The following FBXO21 variants were observed in gnomAD, a reference collection of about 807,000 sequenced individuals.
FBXO21 encodes F-box protein 21.
In FBXO21, 32 loss-of-function variants were observed where a neutral mutation model predicts 76.6. That is an observed-to-expected ratio of 0.42 (90% CI 0.32 to 0.56). The LOEUF (loss-of-function observed/expected upper bound fraction) is 0.56. FBXO21 is among the 20% of genes least tolerant of loss of function. FBXO21 has a pLI of 0.16. For missense variants in FBXO21, 586 were observed against 797.3 expected (o/e 0.73, Z 3.19); for synonymous variants, 328 against 311.5 (o/e 1.05, Z -0.56).
intron 11 of FBXO21, among the ~76,000 whole-genome samples, chr12:117,148,417 T>G (rs1955802971): frequency 6.6e-6 from 1 of 152,186 alleles, no homozygotes; most frequent in South Asian, 2.1e-4. Context: ...GCACATTAAT[T>G]CAGCAAAGCA....
At chr12:117,179,607 A>G (rs767351838) in intron 3 of FBXO21, among the ~76,000 whole-genome samples, 5 of 152,212 alleles carry the variant, frequency 3.3e-5, no homozygotes, top group Admixed American at 6.5e-5. Flanking sequence ...TAGAGGCTAC[A>G]TGAGATACAG....
In FBXO21 at chr12:117,144,050, T is replaced by A. The variant is rs1955741953; in HGVS notation, c.*2037A>T. 6.6e-6 allele frequency: 1 copy of A among 152,632 alleles called. No individual in the cohort carries two copies. The highest frequency in any genetic ancestry group is 1.9e-4 in the East Asian group (1 of 5,190). 9.5% of individuals were successfully genotyped at this position (152,632 alleles called of 1,614,324 possible). A position where few individuals can be genotyped will look rare whatever the true frequency, so the allele number is the denominator to read the frequency against. On this transcript the variant is annotated 3_prime_UTR_variant, in exon 12 of 12. Transcript: ENST00000622495. ...ACTTACACAGGTGATACAGGCTTCC[T>A]GGAGCCCCATGAAGCATTCATGAAG... is the stretch of plus-strand genomic sequence containing the variant.
chr12:117,186,016 G>A (rs1463456889), intron 3 of FBXO21, among the ~76,000 whole-genome samples: 1 of 151,938 alleles, frequency 6.6e-6, no homozygotes, highest in South Asian at 2.1e-4. Context: ...GGGATTACAG[G>A]TGTGTACCAC....
Position 117,189,318 on chromosome 12 carries a change from T to C in FBXO21, c.284A>G (p.Asn95Ser), listed in dbSNP as rs762516986. The C allele has an allele frequency of 5.1e-5, 83 of 1,614,016 alleles. No individual in the cohort carries two copies. Among genetic ancestry groups the C allele is most frequent in the African/African-American group, 1.3e-4 (10 of 74,880 alleles). Reference protein sequence around the residue: ...MKHYSPTDYVNWLEEYKVRQK... With the variant: ...MKHYSPTDYVSWLEEYKVRQK... The stretch of plus-strand genomic sequence containing the variant: ...CCGAACTTTATACTCTTCCAACCAA[T>C]TGACGTAGTCGGTGGGGCTGTAGTG... The change falls in exon 2 of 12, where the codon AAT (asparagine) becomes AGT (serine). Residue 95 changes from asparagine (N) to serine (S), a missense_variant. Asn to Ser is a conservative substitution (Grantham distance 46). Coordinates refer to ENST00000622495, the MANE Select transcript of FBXO21 (RefSeq NM_015002.3).
chr12:117,161,314 A>G (rs1282160830), intron 9 of FBXO21, among the ~76,000 whole-genome samples: 1 of 151,986 alleles, frequency 6.6e-6, no homozygotes, highest in Non-Finnish European at 1.5e-5. Flanking sequence ...GCACACAGAA[A>G]AAGTAGTGGG....
chr12:117,165,241 G>C (rs977348813), intron 9 of FBXO21, among the ~76,000 whole-genome samples: 1 of 152,130 alleles, frequency 6.6e-6, no homozygotes, highest in Admixed American at 6.5e-5. Flanking sequence ...CGGGTACAGA[G>C]GCTTTGTGGT....
intron 11 of FBXO21, among the ~76,000 whole-genome samples, chr12:117,152,354 T>C: frequency 6.6e-6 from 1 of 151,738 alleles, no homozygotes; most frequent in Non-Finnish European, 1.5e-5. Context: ...CAGTCCCAGC[T>C]ACTTGGGAGG....
At chr12:117,171,619 T>C (rs992959203) in intron 7 of FBXO21, among the ~76,000 whole-genome samples, 2 of 152,292 alleles carry the variant, frequency 1.3e-5, no homozygotes, top group South Asian at 2.1e-4. Flanking sequence ...TAATCCATTT[T>C]ACCAAGGAAG....
chr12:117,181,691 C>T (rs1336562082), intron 3 of FBXO21, among the ~76,000 whole-genome samples: 1 of 151,968 alleles, frequency 6.6e-6, no homozygotes, highest in African/African-American at 2.4e-5. Flanking sequence ...ACTTTGCCAC[C>T]CAGGCTGGAG....
chr12:117,146,318 C>A (rs75860160), intron 11 of FBXO21, 41 bp from the exon 12 acceptor site: 15 of 1,509,290 alleles, frequency 9.9e-6, no homozygotes, highest in Non-Finnish European at 1.4e-5. Flanking sequence ...ATTACAATGT[C>A]CATTGCTGCC....
In FBXO21 at chr12:117,142,629, A is replaced by G. The variant is rs1239837566; in HGVS notation, c.*3458T>C. ...CGTCTCCAAAAAGCAATTGTCCCAC[A>G]TCCAAATTTTGCATTTTGTCCAGTT... On this transcript the variant is annotated 3_prime_UTR_variant, in exon 12 of 12. Transcript: ENST00000622495. 2.7e-5 allele frequency: 4 copies of G among 148,720 alleles called. No homozygotes were observed. The highest frequency in any genetic ancestry group is 2.1e-4 in the Admixed American group (3 of 14,500). 9.2% of individuals were successfully genotyped at this position (148,720 alleles called of 1,614,324 possible).
At chr12:117,174,424 T>C (rs925384741) in intron 5 of FBXO21, 83 bp from the exon 6 acceptor site, 87 of 1,442,994 alleles carry the variant, frequency 6.0e-5, no homozygotes, top group African/African-American at 1.1e-4. Context: ...CATGAAGACA[T>C]TGGCAATGGC....
intron 11 of FBXO21, among the ~76,000 whole-genome samples, chr12:117,146,880 ATTAT>A (rs1419613575): frequency 6.6e-6 from 1 of 152,176 alleles, no homozygotes; most frequent in African/African-American, 2.4e-5. Flanking sequence ...ATCAGATGTT[ATTAT>A]CTGTACCATC....
intron 11 of FBXO21, 48 bp from the exon 12 acceptor site, chr12:117,146,325 T>C: frequency 6.7e-7 from 1 of 1,483,854 alleles, no homozygotes; most frequent in Non-Finnish European, 9.2e-7. Context: ...TGTCCATTGC[T>C]GCCACACCTT....
intron 7 of FBXO21, among the ~76,000 whole-genome samples, chr12:117,172,037 C>T (rs781110916): frequency 6.6e-5 from 10 of 152,204 alleles, no homozygotes; most frequent in Non-Finnish European, 1.5e-4. Flanking sequence ...CTCTCCCACT[C>T]ATGTGGGACA....
Position 117,143,704 on chromosome 12 carries a change from A to G in FBXO21, c.*2383T>C, listed in dbSNP as rs1047577349. ...ACATACTTTTCATATTTAGATCCGA[A>G]GAGAGGTGAGAGACATTCTACTCAA... On this transcript the variant is annotated 3_prime_UTR_variant, in exon 12 of 12. Transcript: ENST00000622495. The G allele has an allele frequency of 6.6e-6, 1 of 152,668 alleles. No homozygotes were observed. Among genetic ancestry groups the G allele is most frequent in the African/African-American group, 2.4e-5 (1 of 41,468 alleles). The allele number at this position is 152,668 out of a possible 1,614,324, so 9.5% of individuals were successfully genotyped here. A position where few individuals can be genotyped will look rare whatever the true frequency, so the allele number is the denominator to read the frequency against.
chr12:117,160,777 A>G (rs2088699), intron 9 of FBXO21, among the ~76,000 whole-genome samples: 83,994 of 151,952 alleles, frequency 0.55, 23,691 homozygotes, highest in African/African-American at 0.65. Context: ...CTACAGGCAC[A>G]TGCGATCACG....
chr12:117,161,469 T>C (rs963656524), intron 9 of FBXO21, among the ~76,000 whole-genome samples: 5 of 151,654 alleles, frequency 3.3e-5, no homozygotes, highest in Admixed American at 1.3e-4. Context: ...GTTTAAGCAG[T>C]GAAGGGACCT....
At position 117,144,206 on chromosome 12, in the gene FBXO21, T is replaced by A. The variant is rs993676402; in HGVS notation, c.*1881A>T. The A allele has an allele frequency of 6.6e-6, 1 of 152,226 alleles. No individual in the cohort carries two copies. Among genetic ancestry groups the A allele is most frequent in the African/African-American group, 2.4e-5 (1 of 41,452 alleles). The allele number at this position is 152,226 out of a possible 1,614,324, so 9.4% of individuals were successfully genotyped here. On this transcript the variant is annotated 3_prime_UTR_variant, in exon 12 of 12. Transcript: ENST00000622495. ...ACCAGAAAACCAACAATTGCAACTCTCAGCATGCTCAGGTTCTTATTAATG... is the reference window on the plus strand; with the variant it reads ...ACCAGAAAACCAACAATTGCAACTCACAGCATGCTCAGGTTCTTATTAATG...
Sources: gnomAD v4.1 joint callset for allele counts (sites outside exome capture counted in the v4.1 genomes callset) on GRCh38, gnomAD v4.1.1 for gene constraint, MANE v1.5 for transcripts, NCBI Gene and HGNC (gene_info 2026-07-23, HGNC 2026-07-21) for gene names.